Variants in TVP23C observed in about 807,000 individuals in gnomAD.
TVP23C encodes Golgi apparatus membrane protein TVP23 homolog C.
Under a neutral mutation model 28.7 loss-of-function variants are expected in TVP23C, and 19 were observed. The observed-to-expected ratio is 0.66, with a 90% CI of 0.46 to 0.97. The LOEUF (loss-of-function observed/expected upper bound fraction) is 0.97, where lower values mean the gene tolerates loss of function less well. Among genes scored for constraint, TVP23C ranks in the 50% least tolerant of loss-of-function variants. The pLI, the probability that TVP23C is intolerant of heterozygous loss-of-function variation, is 0.00. For missense variants in TVP23C, 186 were observed against 241.3 expected (o/e 0.77, Z 1.52); for synonymous variants, 68 against 81.7 (o/e 0.83, Z 0.90).
intron 5 of TVP23C, among the ~76,000 whole-genome samples, chr17:15,511,585 A>T (rs1490705141): frequency 1.3e-5 from 2 of 152,192 alleles, no homozygotes; most frequent in Non-Finnish European, 2.9e-5. Context: ...AGAAACTGAA[A>T]GAGATGATTT....
chr17:15,519,772 G>C (rs1204484018), intron 5 of TVP23C, among the ~76,000 whole-genome samples: 3 of 152,068 alleles, frequency 2.0e-5, no homozygotes, highest in Non-Finnish European at 2.9e-5. Context: ...CGTGGTGGCA[G>C]GCACCTGTAG....
intron 5 of TVP23C, among the ~76,000 whole-genome samples, chr17:15,542,538 A>G (rs1392797667): frequency 2.0e-5 from 3 of 152,092 alleles, no homozygotes; most frequent in African/African-American, 2.4e-5. Flanking sequence ...GTGCGGTGGC[A>G]CGATCTCAGC....
intron 5 of TVP23C, among the ~76,000 whole-genome samples, chr17:15,505,199 C>CA (rs544524194): frequency 5.7e-4 from 87 of 151,910 alleles, no homozygotes; most frequent in Middle Eastern, 3.4e-3. Context: ...ACAACAACAA[C>CA]AAAAAAAACC....
intron 5 of TVP23C, among the ~76,000 whole-genome samples, chr17:15,522,768 C>G (rs1190528548): frequency 6.6e-6 from 1 of 152,116 alleles, no homozygotes; most frequent in Non-Finnish European, 1.5e-5. Context: ...CCTGGCCAAG[C>G]ACTGTGGCTC....
At chr17:15,534,609 ACACC>A (rs200014546), downstream of TVP23C, among the ~76,000 whole-genome samples, 14,529 of 135,354 alleles carry the variant, frequency 0.11, 497 homozygotes, top group Middle Eastern at 0.17. Flanking sequence ...ACACACACAC[ACACC>A]CTTACCTATT....
intron 2 of TVP23C, among the ~76,000 whole-genome samples, chr17:15,554,529 G>A (rs1160706583): frequency 1.3e-5 from 2 of 152,170 alleles, no homozygotes; most frequent in East Asian, 1.9e-4. Context: ...GAGCCATCGC[G>A]CCCAGCCTGT....
At chr17:15,560,904 T>G (rs1020642332) in intron 1 of TVP23C, among the ~76,000 whole-genome samples, 12 of 150,606 alleles carry the variant, frequency 8.0e-5, no homozygotes, top group African/African-American at 2.7e-4. Context: ...TATATGTTGA[T>G]GTGAGCAAAC....
rs1216715504 is a variant in TVP23C at position 15,502,785 on chromosome 17, CCCTCTCT to C, written c.*72_*78del. ...CTCCTTCTCCGTCACTCTCTTCCCT[CCCTCTCT>C]CCTCTCTCCTCTCTCTCCTCTCTCT... is the stretch of plus-strand genomic sequence containing the variant. On this transcript the variant is annotated 3_prime_UTR_variant, in exon 6 of 6. Coordinates refer to the TVP23C transcript ENST00000225576. 3.5e-5 allele frequency: 52 copies of C among 1,470,734 alleles called. No homozygotes were observed. In the African/African-American group the frequency reaches 3.9e-4, roughly 11 times the overall value. The allele number at this position is 1,470,734 out of a possible 1,614,324, so 91.1% of individuals were successfully genotyped here. A position where few individuals can be genotyped will look rare whatever the true frequency, so the allele number is the denominator to read the frequency against.
intron 5 of TVP23C, among the ~76,000 whole-genome samples, chr17:15,522,047 C>G (rs1232123007): frequency 1.3e-5 from 2 of 152,170 alleles, no homozygotes; most frequent in Non-Finnish European, 2.9e-5. Flanking sequence ...AGCTAAAAGA[C>G]AGTGGGGAAG....
chr17:15,530,099 G>A (rs1156418247), intron 5 of TVP23C, among the ~76,000 whole-genome samples: 6 of 151,946 alleles, frequency 3.9e-5, no homozygotes, highest in Non-Finnish European at 4.4e-5. Flanking sequence ...GTGCCCAGCC[G>A]CAAATCTGTC....
chr17:15,542,340 C>T (rs539534952), intron 5 of TVP23C, among the ~76,000 whole-genome samples: 1 of 152,274 alleles, frequency 6.6e-6, no homozygotes, highest in South Asian at 2.1e-4. Context: ...AGACGAAGCG[C>T]AGAAGGATCA....
chr17:15,530,092 C>T (rs1007113032), intron 5 of TVP23C, among the ~76,000 whole-genome samples: 41 of 152,284 alleles, frequency 2.7e-4, no homozygotes, highest in African/African-American at 9.6e-4. Context: ...AGCCACTGTG[C>T]CCAGCCGCAA....
rs556513315 is a variant in TVP23C at position 15,538,461 on chromosome 17, G to A, written c.*1951C>T. ...AAAAATTAGCCAGGCGTGGTGGCGG[G>A]CGCCTGCAATCCCAGCTACTCGGGA... is the stretch of plus-strand genomic sequence containing the variant. On this transcript the variant is annotated 3_prime_UTR_variant, in exon 6 of 6. Transcript: ENST00000518321. 1.2e-4 allele frequency: 82 copies of A among 678,474 alleles called. 1 individual carries two copies. In the Admixed American group the frequency reaches 3.3e-3, roughly 28 times the overall value. 42.0% of individuals were successfully genotyped at this position (678,474 alleles called of 1,614,324 possible).
At chr17:15,562,006 T>C (rs2150865848) in intron 1 of TVP23C, among the ~76,000 whole-genome samples, 1 of 152,222 alleles carries the variant, frequency 6.6e-6, no homozygotes, top group Middle Eastern at 3.4e-3. Flanking sequence ...ACAAATGCCA[T>C]GGCAACATCA....
intron 5 of TVP23C, among the ~76,000 whole-genome samples, chr17:15,523,660 C>T (rs1414136883): frequency 1.3e-5 from 2 of 151,014 alleles, no homozygotes; most frequent in Admixed American, 6.6e-5. Flanking sequence ...GTCACCCAGG[C>T]TAGAGTGCAG....
chr17:15,528,761 C>T (rs914174200), intron 5 of TVP23C, among the ~76,000 whole-genome samples: 10 of 151,852 alleles, frequency 6.6e-5, no homozygotes, highest in African/African-American at 2.4e-4. Flanking sequence ...CCACACCCAG[C>T]TAATTTTTGT....
chr17:15,546,796 A>T (rs1301426284), intron 4 of TVP23C, among the ~76,000 whole-genome samples: 1 of 150,888 alleles, frequency 6.6e-6, no homozygotes, highest in African/African-American at 2.4e-5. Flanking sequence ...TTTATCAGCA[A>T]TCCCTGACAG....
intron 5 of TVP23C, among the ~76,000 whole-genome samples, chr17:15,541,764 T>C (rs562145330): frequency 5.5e-4 from 83 of 152,256 alleles, no homozygotes; most frequent in African/African-American, 1.9e-3. Context: ...AAGAGGGTGC[T>C]AGTTTCCTAA....
chr17:15,528,355 C>T (rs2150840556), intron 5 of TVP23C, among the ~76,000 whole-genome samples: 1 of 151,578 alleles, frequency 6.6e-6, no homozygotes, highest in Admixed American at 6.6e-5. Context: ...CTTCTTTGAC[C>T]CACTGGTTAT....
Sources: allele counts gnomAD v4.1 joint callset (sites outside exome capture counted in the v4.1 genomes callset), GRCh38; gene constraint gnomAD v4.1.1; transcripts MANE v1.5; gene names NCBI Gene and HGNC (gene_info 2026-07-23, HGNC 2026-07-21).